Variants in DOCK9 observed in about 807,000 individuals in gnomAD.
DOCK9 encodes dedicator of cytokinesis 9, also known as dedicator of cytokinesis protein 9.
In DOCK9, 89 loss-of-function variants were observed where a neutral mutation model predicts 263.3. That is an observed-to-expected ratio of 0.34 (90% confidence interval 0.28 to 0.40). DOCK9 has a LOEUF of 0.40. Among genes scored for constraint, DOCK9 ranks in the 10% least tolerant of loss-of-function variants. The probability of loss-of-function intolerance (pLI) is 1.00; values close to 1 mark genes in which losing one functional copy is unlikely to be tolerated. For missense variants in DOCK9, 2,140 were observed against 2,603.4 expected, an observed-to-expected ratio of 0.82 and a Z score of 3.87; for synonymous variants, 976 against 973.1, an observed-to-expected ratio of 1.00 and a Z score of -0.06.
At position 99,034,672 on chromosome 13, in the gene DOCK9, C is replaced by T. The variant is rs1452935752; in HGVS notation, c.129+51551G>A. 2.0e-5 allele frequency among the ~76,000 whole-genome samples: 3 copies of T among 152,324 alleles called. No homozygotes were observed. The East Asian group carries it at 5.8e-4, about 29-fold the overall frequency. ...GAACAGCAGAGACAGATAGGTGGAC[C>T]TGAGTAGGCTCCAATTTAAGGGCCC... is the stretch of plus-strand genomic sequence containing the variant. On this transcript the variant is annotated intron_variant, in intron 1 of 32. Coordinates refer to the DOCK9 transcript ENST00000427887.
chr13:99,062,041 T>C (rs1404483992), intron 1 of DOCK9, among the ~76,000 whole-genome samples: 1 of 152,026 alleles, frequency 6.6e-6, no homozygotes, highest in Non-Finnish European at 1.5e-5. Flanking sequence ...CTGGCTAATT[T>C]TTTTATGTTT....
chr13:99,041,262 T>C lies in DOCK9; in HGVS notation c.129+44961A>G, dbSNP rs143794435. Reference sequence around the variant, plus strand: ...ACTTTGGGAGGCCAAGGCAGGTGGATTGCTTGAGCCCAGGTGTTCAAGACC... The same window carrying C: ...ACTTTGGGAGGCCAAGGCAGGTGGACTGCTTGAGCCCAGGTGTTCAAGACC... On this transcript the variant is annotated intron_variant, in intron 1 of 32. Transcript: ENST00000427887. Among the ~76,000 whole-genome samples, 380 of 152,240 alleles carry C rather than the reference T, an allele frequency of 2.5e-3. 1 individual carries two copies. Among genetic ancestry groups the C allele is most frequent in the African/African-American group, 8.4e-3 (349 of 41,530 alleles).
In DOCK9 at chr13:98,977,934, AAGTCTGCAACTGGAACAGCTGCG is replaced by A. The variant is rs1466319125; in HGVS notation, c.-48_-26del. On this transcript the variant is annotated 5_prime_UTR_variant, in exon 1 of 53. It removes the in-frame stop codon of an upstream open reading frame in the 5' UTR. Transcript: ENST00000682017. Reference sequence around the variant, plus strand: ...TTCTCGGCTGAAAACGCAAGTCAGAAAGTCTGCAACTGGAACAGCTGCGAGTCCCTGGCCGTGCAAGGCACAGG... The same window carrying A: ...TTCTCGGCTGAAAACGCAAGTCAGAAAGTCCCTGGCCGTGCAAGGCACAGG... 1.9e-6 allele frequency: 3 copies of A among 1,561,816 alleles called. No individual in the cohort carries two copies. The highest frequency in any genetic ancestry group is 1.7e-4 in the Middle Eastern group (1 of 5,758).
intron 2 of DOCK9, among the ~76,000 whole-genome samples, chr13:98,945,264 T>C (rs1396768362): frequency 6.6e-6 from 1 of 152,214 alleles, no homozygotes; most frequent in East Asian, 1.9e-4. Context: ...GTGGGCTGAA[T>C]GTACATCTAC....
chr13:98,868,395 C>A lies in DOCK9; in HGVS notation c.2944-18G>T, dbSNP rs900055098. ...CGCAGCAACTAAAAAGAATTCAGAGCAAACATTTATTATTTATTAAGTTGC... is the reference window on the plus strand; with the variant it reads ...CGCAGCAACTAAAAAGAATTCAGAGAAAACATTTATTATTTATTAAGTTGC... On this transcript the variant is annotated intron_variant, in intron 27 of 52. Coordinates refer to ENST00000682017, the MANE Select transcript of DOCK9 (RefSeq NM_001366683.2). 2 of 1,599,112 alleles carry A rather than the reference C, an allele frequency of 1.3e-6. No homozygotes were observed. The highest frequency in any genetic ancestry group is 1.3e-5 in the African/African-American group (1 of 74,588).
intron 1 of DOCK9, among the ~76,000 whole-genome samples, chr13:99,028,848 T>C (rs960872145): frequency 6.6e-6 from 1 of 152,202 alleles, no homozygotes; most frequent in African/African-American, 2.4e-5. Context: ...GTAGTTTTTG[T>C]TGTGTGGAAG....
intron 10 of DOCK9, 108 bp from the exon 11 acceptor site, chr13:98,903,220 T>C (rs1405444778): frequency 6.8e-5 from 59 of 864,346 alleles, no homozygotes; most frequent in Non-Finnish European, 5.5e-5. Context: ...CTATATACAC[T>C]TATTTACTCA....
chr13:98,833,011 G>A (rs946678709), intron 39 of DOCK9: 1 of 151,946 alleles, frequency 6.6e-6, no homozygotes, highest in African/African-American at 2.4e-5. Context: ...CCAGTGAATT[G>A]TGAATCTATC....
chr13:98,911,016 A>G (rs561128709), intron 9 of DOCK9, among the ~76,000 whole-genome samples: 1 of 152,256 alleles, frequency 6.6e-6, no homozygotes, highest in Non-Finnish European at 1.5e-5. Context: ...TAAACAGCCA[A>G]AACTGCATTT....
chr13:99,081,596 T>C (rs184233454), intron 1 of DOCK9, among the ~76,000 whole-genome samples: 2 of 152,356 alleles, frequency 1.3e-5, no homozygotes, highest in Non-Finnish European at 2.9e-5. Flanking sequence ...TGTGACCTGA[T>C]ATTCACACAA....
intron 1 of DOCK9, among the ~76,000 whole-genome samples, chr13:99,021,250 C>T (rs1360623578): frequency 1.3e-5 from 2 of 152,170 alleles, no homozygotes; most frequent in Non-Finnish European, 2.9e-5. Context: ...GGTAATTCTT[C>T]TAAAAATACA....
intron 48 of DOCK9, among the ~76,000 whole-genome samples, chr13:98,806,854 A>G (rs1052424233): frequency 6.6e-6 from 1 of 151,780 alleles, no homozygotes; most frequent in Non-Finnish European, 1.5e-5. Flanking sequence ...GATTGCAGTG[A>G]GCTGAGATAG....
chr13:98,932,219 C>T (rs2054066342), intron 2 of DOCK9, among the ~76,000 whole-genome samples: 1 of 151,834 alleles, frequency 6.6e-6, no homozygotes, highest in Non-Finnish European at 1.5e-5. Context: ...ATGGTGAAAC[C>T]CCGTCTCTAT....
chr13:98,899,165 T>C (rs1167678448), intron 13 of DOCK9, among the ~76,000 whole-genome samples: 2 of 151,858 alleles, frequency 1.3e-5, no homozygotes, highest in Non-Finnish European at 2.9e-5. Context: ...AGCATCACTG[T>C]AGAAATGCAG....
intron 1 of DOCK9, among the ~76,000 whole-genome samples, chr13:99,055,481 G>A (rs552595407): frequency 1.3e-5 from 2 of 152,248 alleles, no homozygotes; most frequent in South Asian, 2.1e-4. Context: ...AAGAGAAAGC[G>A]AGCCGGTGCT....
At chr13:98,912,692 A>G (rs2050251647) in intron 9 of DOCK9, among the ~76,000 whole-genome samples, 1 of 152,122 alleles carries the variant, frequency 6.6e-6, no homozygotes. Flanking sequence ...GTAGTAAGAG[A>G]AGGAGGGGAC....
chr13:98,813,464 C>T (rs1244142397), intron 45 of DOCK9, among the ~76,000 whole-genome samples: 3 of 152,070 alleles, frequency 2.0e-5, no homozygotes, highest in African/African-American at 7.2e-5. Flanking sequence ...TATGCATCTA[C>T]TGAGAAAATC....
intron 1 of DOCK9, among the ~76,000 whole-genome samples, chr13:98,985,090 G>T (rs1322334870): frequency 6.6e-6 from 1 of 150,532 alleles, no homozygotes. Flanking sequence ...GGGCAGTTGG[G>T]GGGGTGGGGC....
At chr13:99,055,428 T>C (rs1368445646) in intron 1 of DOCK9, among the ~76,000 whole-genome samples, 3 of 152,180 alleles carry the variant, frequency 2.0e-5, no homozygotes, top group African/African-American at 7.2e-5. Flanking sequence ...AACGTCTGCG[T>C]TGGCTGGGCA....
Sources: gnomAD v4.1 joint callset for allele counts (sites outside exome capture counted in the v4.1 genomes callset) on GRCh38, gnomAD v4.1.1 for gene constraint, MANE v1.5 for transcripts, NCBI Gene and HGNC (gene_info 2026-07-23, HGNC 2026-07-21) for gene names.